Variants in PHACTR2 observed in about 807,000 individuals in gnomAD.
PHACTR2 encodes the protein phosphatase and actin regulator 2.
PHACTR2 carries 30 observed loss-of-function variants against 76.0 expected under a neutral mutation model. That is an observed-to-expected ratio of 0.39 (90% CI 0.30 to 0.54). The LOEUF is 0.54. Ranked by LOEUF, PHACTR2 falls within the 20% of genes least tolerant of loss-of-function variation. The pLI is 0.61. For synonymous variants in PHACTR2, 292 were observed against 292.5 expected (o/e 1.00, Z 0.02); for missense variants, 696 against 781.1 (o/e 0.89, Z 1.30).
chr6:143,815,204 C>T (rs1022759049), intron 12 of PHACTR2, among the ~76,000 whole-genome samples: 2 of 152,140 alleles, frequency 1.3e-5, no homozygotes, highest in Admixed American at 1.3e-4. Context: ...GAGTTGAAAG[C>T]AAGGCTCAGT....
At chr6:143,804,749 A>G (rs976529456) in intron 11 of PHACTR2, among the ~76,000 whole-genome samples, 2 of 152,204 alleles carry the variant, frequency 1.3e-5, no homozygotes, top group Admixed American at 1.3e-4. Context: ...ACTATTGCAA[A>G]TAAGGACTTT....
chr6:143,698,196 G>A lies in PHACTR2; in HGVS notation c.47-13820G>A, dbSNP rs1777815017. Among the ~76,000 whole-genome samples the A allele has an allele frequency of 6.6e-6, 1 of 152,136 alleles. No homozygotes were observed. Among genetic ancestry groups the A allele is most frequent in the South Asian group, 2.1e-4 (1 of 4,828 alleles). The stretch of plus-strand genomic sequence containing the variant: ...AATTGGATTCAGAGGCTTTCTGTGT[G>A]TGTTTTATCCAAATCCTGCTGGAGC... On this transcript the variant is annotated intron_variant, in intron 1 of 12. Coordinates refer to ENST00000440869, the MANE Select transcript of PHACTR2 (RefSeq NM_001100164.2). This position sits in a 1 kb window ranked among gnomAD's most constrained non-coding sequence, Gnocchi z 4.3.
In PHACTR2 at chr6:143,781,301, A is replaced by G. The variant is rs561566127; in HGVS notation, c.1646-1918A>G. Among the ~76,000 whole-genome samples the G allele has an allele frequency of 6.6e-5, 10 of 152,316 alleles. No homozygotes were observed. In the South Asian group the frequency reaches 1.9e-3, roughly 28 times the overall value. On this transcript the variant is annotated intron_variant, in intron 9 of 12. Transcript: ENST00000440869. ...CCTTCTCTTTTTAGACATCACTGTT[A>G]CCTGGTAGCACTAGCTGAACAATAT... is the stretch of plus-strand genomic sequence containing the variant.
intron 2 of PHACTR2, among the ~76,000 whole-genome samples, chr6:143,726,268 T>C (rs1778568086): frequency 6.6e-6 from 1 of 152,238 alleles, no homozygotes; most frequent in Non-Finnish European, 1.5e-5. Context: ...ATTGTCATTA[T>C]TTTTTGTTGT....
rs1776015009 is a variant in PHACTR2 at position 143,803,996 on chromosome 6, A to G, written c.1846-3061A>G. Among the ~76,000 whole-genome samples, 1 of 152,246 alleles carries G rather than the reference A, an allele frequency of 6.6e-6. No homozygotes were observed. The highest frequency in any genetic ancestry group is 1.5e-5 in the Non-Finnish European group (1 of 68,046). ...TGTGACCTCTCTAGGCCTCCATTGC[A>G]TCAGCTGTAAGGTAAAAGCCTTGGA... On this transcript the variant is annotated intron_variant, in intron 11 of 12. Coordinates refer to ENST00000440869, the MANE Select transcript of PHACTR2 (RefSeq NM_001100164.2). The surrounding 1 kb of genome is among the most constrained non-coding windows in gnomAD (Gnocchi z 4.7).
rs757835406 is a variant in PHACTR2, at chr6:143,722,772, G to C, written c.214+10589G>C. Among the ~76,000 whole-genome samples the C allele has an allele frequency of 3.9e-5, 6 of 151,968 alleles. No individual in the cohort carries two copies. The highest frequency in any genetic ancestry group is 8.8e-5 in the Non-Finnish European group (6 of 68,000). On this transcript the variant is annotated intron_variant, in intron 2 of 12. Coordinates refer to ENST00000440869, the MANE Select transcript of PHACTR2 (RefSeq NM_001100164.2). The surrounding 1 kb of genome is among the most constrained non-coding windows in gnomAD (Gnocchi z 4.1). The stretch of plus-strand genomic sequence containing the variant: ...TCCCTCCTCCCCACTACCCTTCCCA[G>C]CTTCTGGTAACTGTCGTTCTACTCT...
At chr6:143,538,726 T>C (rs1781142589) in intron 1 of PHACTR2, among the ~76,000 whole-genome samples, 1 of 152,260 alleles carries the variant, frequency 6.6e-6, no homozygotes, top group Non-Finnish European at 1.5e-5. Flanking sequence ...TAGCCTTCTG[T>C]CTTCTTATTC....
At chr6:143,703,048 C>T (rs1777952134) in intron 1 of PHACTR2, among the ~76,000 whole-genome samples, 1 of 151,252 alleles carries the variant, frequency 6.6e-6, no homozygotes, top group African/African-American at 2.4e-5. Context: ...GTGGCTAACA[C>T]CTGTAATCCC....
At chr6:143,640,040 A>G (rs1050074926) in intron 1 of PHACTR2, among the ~76,000 whole-genome samples, 6 of 152,212 alleles carry the variant, frequency 3.9e-5, no homozygotes, top group Non-Finnish European at 7.3e-5. Flanking sequence ...AATAGAGTTG[A>G]AGAATTCCTA....
Position 143,774,287 on chromosome 6 carries a change from TG to T in PHACTR2, c.1589+76del. 7.9e-7 allele frequency: 1 copy of T among 1,259,732 alleles called. No homozygotes were observed. The highest frequency in any genetic ancestry group is 1.1e-6 in the Non-Finnish European group (1 of 879,192). The allele number at this position is 1,259,732 out of a possible 1,614,324, so 78.0% of individuals were successfully genotyped here. ...TCCCTCCCAAAGCTTCCTACCTAAC[TG>T]GGGTCATTGTGAATTCCTTATGTAC... On this transcript the variant is annotated intron_variant, in intron 8 of 12. Coordinates refer to ENST00000440869, the MANE Select transcript of PHACTR2 (RefSeq NM_001100164.2). The surrounding 1 kb of genome is among the most constrained non-coding windows in gnomAD (Gnocchi z 5.4).
intron 1 of PHACTR2, among the ~76,000 whole-genome samples, chr6:143,682,066 A>T (rs1191272454): frequency 6.6e-6 from 1 of 152,184 alleles, no homozygotes; most frequent in Non-Finnish European, 1.5e-5. Context: ...TTACATTTTC[A>T]TATGAATTTT....
chr6:143,751,827 A>G lies in PHACTR2; in HGVS notation c.296-1927A>G, dbSNP rs1013705278. ...ACACACACACACACACACACACACT[A>G]TATCAAGGATTTAACTTATTTTAAT... On this transcript the variant is annotated intron_variant, in intron 3 of 12. Transcript: ENST00000440869. This position sits in a 1 kb window ranked among gnomAD's most constrained non-coding sequence, Gnocchi z 5.7. 1.4e-5 allele frequency among the ~76,000 whole-genome samples: 1 copy of G among 72,410 alleles called. No homozygotes were observed. Among genetic ancestry groups the G allele is most frequent in the Non-Finnish European group, 3.5e-5 (1 of 28,918 alleles). The allele number at this position is 72,410 out of a possible 152,430, so 47.5% of individuals were successfully genotyped here.
chr6:143,676,588 A>C (rs1052813641), upstream of PHACTR2, among the ~76,000 whole-genome samples: 1 of 152,212 alleles, frequency 6.6e-6, no homozygotes, highest in Admixed American at 6.5e-5. The surrounding 1 kb of genome is among the most constrained non-coding windows in gnomAD (Gnocchi z 4.8). Context: ...AAAGAGCTGG[A>C]GGAGCCAGCC....
chr6:143,574,693 A>T (rs1325456281), intron 1 of PHACTR2, among the ~76,000 whole-genome samples: 1 of 12,560 alleles, frequency 8.0e-5, no homozygotes, highest in Non-Finnish European at 2.2e-4. Context: ...TGATGGCATT[A>T]AAAAAAAAAA....
intron 11 of PHACTR2, among the ~76,000 whole-genome samples, chr6:143,804,434 G>A (rs1776023703): frequency 6.6e-6 from 1 of 152,172 alleles, no homozygotes; most frequent in Non-Finnish European, 1.5e-5. Context: ...TCTACTGTGT[G>A]CATTTGTTGA....
chr6:143,784,536 C>T lies in PHACTR2; in HGVS notation c.1707+1256C>T, dbSNP rs1288408769. ...CAGGGAGTCTTCAACAAAAGCATTC[C>T]AAGGCAGATGGAGGCAATGCTTCAT... is the stretch of plus-strand genomic sequence containing the variant. On this transcript the variant is annotated intron_variant, in intron 10 of 12. Transcript: ENST00000440869. This position sits in a 1 kb window ranked among gnomAD's most constrained non-coding sequence, Gnocchi z 4.5. Among the ~76,000 whole-genome samples the T allele has an allele frequency of 6.6e-6, 1 of 152,130 alleles. No individual in the cohort carries two copies. The highest frequency in any genetic ancestry group is 1.9e-4 in the East Asian group (1 of 5,200).
intron 12 of PHACTR2, among the ~76,000 whole-genome samples, chr6:143,817,198 T>C (rs1397031825): frequency 6.6e-6 from 1 of 152,178 alleles, no homozygotes; most frequent in Non-Finnish European, 1.5e-5. Context: ...CAGGTTTCCT[T>C]ATCCTTGCCC....
chr6:143,714,181 CT>C (rs1778248358), intron 2 of PHACTR2, among the ~76,000 whole-genome samples: 1 of 152,154 alleles, frequency 6.6e-6, no homozygotes, highest in Non-Finnish European at 1.5e-5. Flanking sequence ...CATTTGCTGT[CT>C]GATAATCAAT....
At position 143,616,082 on chromosome 6, in the gene PHACTR2, C is replaced by G. The variant is rs980308218; in HGVS notation, c.13+7760C>G. 2.0e-5 allele frequency among the ~76,000 whole-genome samples: 3 copies of G among 152,206 alleles called. No homozygotes were observed. Among genetic ancestry groups the G allele is most frequent in the Non-Finnish European group, 4.4e-5 (3 of 68,022 alleles). On this transcript the variant is annotated intron_variant, in intron 1 of 11. Transcript: ENST00000305766. The surrounding 1 kb of genome is among the most constrained non-coding windows in gnomAD (Gnocchi z 4.9). ...TTCAAAGTTTCAGGGTTTCCTACCA[C>G]TTGGTATAAAGTATCTGCCTAATTG...
Sources: gnomAD v4.1 joint callset for allele counts (sites outside exome capture counted in the v4.1 genomes callset) on GRCh38, gnomAD v4.1.1 for gene constraint, Gnocchi (gnomAD v3.1) non-coding constraint, MANE v1.5 for transcripts, NCBI Gene and HGNC (gene_info 2026-07-23, HGNC 2026-07-21) for gene names.